PRSS23: variants seen among roughly 807,000 people sequenced by gnomAD.
PRSS23 encodes serine protease 23.
PRSS23 carries 25 observed loss-of-function variants against 34.7 expected under a neutral mutation model. The ratio of observed to expected loss-of-function variants is 0.72; its 90% CI spans 0.53 to 1.01. The LOEUF is 1.01. Ranked by LOEUF, PRSS23 falls within the 50% of genes least tolerant of loss-of-function variation. The pLI is 0.00. For missense variants in PRSS23, 445 were observed against 475.6 expected (o/e 0.94, Z 0.60); for synonymous variants, 176 against 186.6 (o/e 0.94, Z 0.46).
In PRSS23 at chr11:86,807,841, AC is replaced by A; in HGVS notation, c.202del (p.Gln68SerfsTer87). Reference sequence around the variant, plus strand: ...AATTAGAAGTATCTTCTTCATGTGGACCCCAGTGTCATAAGGGAACTCCACT... The same window carrying A: ...AATTAGAAGTATCTTCTTCATGTGGACCCAGTGTCATAAGGGAACTCCACT... ...AKLEVSSSCG[P>X]QCHKGTPLPT... On this transcript the variant is annotated frameshift_variant, in exon 2 of 2. Coordinates refer to ENST00000280258, the MANE Select transcript of PRSS23 (RefSeq NM_007173.6). LOFTEE classifies it high-confidence loss of function. The A allele has an allele frequency of 6.2e-7, 1 of 1,614,042 alleles. No individual in the cohort carries two copies. Among genetic ancestry groups the A allele is most frequent in the Non-Finnish European group, 8.5e-7 (1 of 1,180,024 alleles).
At chr11:86,884,958 T>C (rs1423799883) in intron 2 of PRSS23, among the ~76,000 whole-genome samples, 16 of 152,214 alleles carry the variant, frequency 1.1e-4, no homozygotes, top group Non-Finnish European at 1.6e-4. Flanking sequence ...TTTAGGTGTT[T>C]CTCCTATACT....
At chr11:86,874,544 A>T (rs1236304213) in intron 2 of PRSS23, among the ~76,000 whole-genome samples, 1 of 152,220 alleles carries the variant, frequency 6.6e-6, no homozygotes, top group Admixed American at 6.5e-5. Flanking sequence ...TGTGAGGCAC[A>T]GCCCCGTGGC....
At chr11:86,820,875 C>A (rs1948246874) in intron 1 of PRSS23, among the ~76,000 whole-genome samples, 1 of 152,114 alleles carries the variant, frequency 6.6e-6, no homozygotes, top group African/African-American at 2.4e-5. Flanking sequence ...AGCAATTTTA[C>A]CCAACTGTAA....
At chr11:86,883,945 T>A (rs1948786522) in intron 2 of PRSS23, among the ~76,000 whole-genome samples, 2 of 151,950 alleles carry the variant, frequency 1.3e-5, no homozygotes, top group South Asian at 4.2e-4. Flanking sequence ...CTAACTTTTT[T>A]ATCTCTTCTA....
intron 2 of PRSS23, among the ~76,000 whole-genome samples, chr11:86,941,383 G>A (rs1048138471): frequency 2.0e-5 from 3 of 152,208 alleles, no homozygotes; most frequent in South Asian, 2.1e-4. Flanking sequence ...GTGCTGCAGC[G>A]AACTTCTAGA....
intron 2 of PRSS23, among the ~76,000 whole-genome samples, chr11:86,825,023 T>C (rs1247814363): frequency 6.6e-6 from 1 of 152,144 alleles, no homozygotes; most frequent in Non-Finnish European, 1.5e-5. Context: ...TCAAATGGTA[T>C]TTCTAGTTCT....
At chr11:86,930,202 G>C (rs1811613776) in intron 2 of PRSS23, among the ~76,000 whole-genome samples, 1 of 151,966 alleles carries the variant, frequency 6.6e-6, no homozygotes, top group African/African-American at 2.4e-5. Context: ...AAAAAATGTG[G>C]GGTGGGAAGC....
chr11:86,837,842 T>G (rs1283536309), intron 2 of PRSS23, among the ~76,000 whole-genome samples: 2 of 152,120 alleles, frequency 1.3e-5, no homozygotes, highest in African/African-American at 4.8e-5. Flanking sequence ...GGAACAGCTC[T>G]GGTCTGCAGC....
At chr11:86,898,938 C>T (rs1466998128) in intron 2 of PRSS23, among the ~76,000 whole-genome samples, 4 of 152,140 alleles carry the variant, frequency 2.6e-5, no homozygotes, top group African/African-American at 9.7e-5. Flanking sequence ...GATCAGAAAC[C>T]AAGCCCAGGT....
In PRSS23 at chr11:86,859,144, C is replaced by T. The variant is rs1225978486; in HGVS notation, c.206+35551C>T. ...CAAGGGGGAAGAGGATGATATTGCT[C>T]CCTATATCAGGGGAAGTGACACCCC... On this transcript the variant is annotated intron_variant, in intron 2 of 2. Coordinates refer to the PRSS23 transcript ENST00000533902. 2.6e-5 allele frequency among the ~76,000 whole-genome samples: 4 copies of T among 151,744 alleles called. No homozygotes were observed. In the East Asian group the frequency reaches 5.8e-4, roughly 22 times the overall value.
intron 2 of PRSS23, among the ~76,000 whole-genome samples, chr11:86,908,283 C>T (rs11600434): frequency 0.14 from 20,630 of 152,230 alleles, 1,549 homozygotes; most frequent in Non-Finnish European, 0.16. Flanking sequence ...CTCCATACTG[C>T]TTTCCATAGC....
chr11:86,942,033 AAT>A (rs1162209718), intron 2 of PRSS23, among the ~76,000 whole-genome samples: 3 of 152,124 alleles, frequency 2.0e-5, no homozygotes, highest in Non-Finnish European at 4.4e-5. Flanking sequence ...ACGGTACATA[AAT>A]AGACAACTTT....
chr11:86,807,710 C>T lies in PRSS23; in HGVS notation c.67C>T (p.Pro23Ser). The part of the protein sequence containing the change: ...FLLCAVGQVS[P>S]YSAPWKPTWP... ...GCTCTGTGCTGTTGGGCAAGTGAGCCCTTACAGTGCCCCCTGGAAACCCAC... is the reference window on the plus strand; with the variant it reads ...GCTCTGTGCTGTTGGGCAAGTGAGCTCTTACAGTGCCCCCTGGAAACCCAC... The change falls in exon 2 of 2, where the codon CCT (proline) becomes TCT (serine). Residue 23 changes from proline (P) to serine (S), a missense_variant. Pro to Ser is a moderately conservative substitution (Grantham distance 74). Coordinates refer to ENST00000280258, the MANE Select transcript of PRSS23 (RefSeq NM_007173.6). The T allele has an allele frequency of 1.2e-6, 2 of 1,614,060 alleles. No individual in the cohort carries two copies. The highest frequency in any genetic ancestry group is 2.2e-5 in the East Asian group (1 of 44,878).
At chr11:86,848,101 G>A (rs148967889) in intron 2 of PRSS23, among the ~76,000 whole-genome samples, 7 of 152,322 alleles carry the variant, frequency 4.6e-5, no homozygotes, top group African/African-American at 1.7e-4. Context: ...GCATTCACAT[G>A]CATGCCCCCT....
intron 2 of PRSS23, chr11:86,934,523 G>C (rs1205808103): frequency 1.3e-5 from 2 of 152,070 alleles, no homozygotes; most frequent in African/African-American, 4.8e-5. Context: ...CTTACATAGG[G>C]ATAGTGTCAT....
intron 2 of PRSS23, among the ~76,000 whole-genome samples, chr11:86,868,360 G>A (rs989349527): frequency 2.6e-5 from 4 of 152,048 alleles, no homozygotes; most frequent in Non-Finnish European, 5.9e-5. Context: ...TAGCAAGTAT[G>A]GATGATGGAG....
exon 3 of PRSS23, chr11:86,951,268 C>A: frequency 1.2e-6 from 2 of 1,614,168 alleles, no homozygotes; most frequent in Non-Finnish European, 1.7e-6. Flanking sequence ...TTTTGGCAGA[C>A]CAAATCCACA....
At chr11:86,902,701 A>T (rs1426140046) in intron 2 of PRSS23, among the ~76,000 whole-genome samples, 1 of 152,206 alleles carries the variant, frequency 6.6e-6, no homozygotes, top group Non-Finnish European at 1.5e-5. Flanking sequence ...CCAAAGCAAG[A>T]TGTAAACAAC....
intron 1 of PRSS23, 113 bp downstream of exon 1, chr11:86,800,764 G>A: frequency 1.7e-6 from 1 of 585,390 alleles, no homozygotes; most frequent in South Asian, 7.4e-5. Flanking sequence ...CGGGCTGCCG[G>A]AGGCACCGCA....
Sources: gnomAD v4.1 joint callset for allele counts (sites outside exome capture counted in the v4.1 genomes callset) on GRCh38, gnomAD v4.1.1 for gene constraint, MANE v1.5 for transcripts, NCBI Gene and HGNC (gene_info 2026-07-23, HGNC 2026-07-21) for gene names.